TARM1: variants seen among roughly 807,000 people sequenced by gnomAD.
TARM1 encodes T-cell-interacting, activating receptor on myeloid cells protein 1.
In TARM1, 24 loss-of-function variants were observed where a neutral mutation model predicts 30.4. The observed-to-expected ratio is 0.79, with a 90% CI of 0.57 to 1.11. The LOEUF is 1.11. Ranked by LOEUF, TARM1 falls within the 50% of genes least tolerant of loss-of-function variation. TARM1 has a pLI of 0.00. For synonymous variants in TARM1, 129 were observed against 138.9 expected (o/e 0.93, Z 0.50); for missense variants, 323 against 332.8 (o/e 0.97, Z 0.23).
intron 4 of TARM1, 99 bp from the exon 5 acceptor site, chr19:54,070,259 CGGTTTTTT>C: frequency 6.9e-7 from 1 of 1,453,952 alleles, no homozygotes; most frequent in Non-Finnish European, 9.1e-7. Flanking sequence ...TTAATGTTTT[CGGTTTTTT>C]GGTTTTTTTT....
intron 1 of TARM1, 88 bp downstream of exon 1, chr19:54,081,219 T>C (rs1034553239): frequency 9.7e-6 from 13 of 1,334,164 alleles, no homozygotes; most frequent in African/African-American, 8.8e-5. Context: ...TAAGCCAAAG[T>C]TGATGTTATT....
intron 4 of TARM1, among the ~76,000 whole-genome samples, chr19:54,071,829 T>TC (rs2071820355): frequency 2.6e-5 from 4 of 151,574 alleles, no homozygotes; most frequent in Admixed American, 2.6e-4. Flanking sequence ...AGACTCCATC[T>TC]CAAAGAAAAC....
At chr19:54,072,965 G>A (rs188754350) in intron 4 of TARM1, among the ~76,000 whole-genome samples, 12 of 152,054 alleles carry the variant, frequency 7.9e-5, no homozygotes, top group East Asian at 1.9e-4. Flanking sequence ...GCAACAGAGC[G>A]AGACTCTGTC....
chr19:54,074,953 C>G lies in TARM1; in HGVS notation c.232G>C (p.Gly78Arg). The change falls in exon 3 of 5, where the codon GGC (glycine) becomes CGC (arginine). Residue 78 changes from glycine to arginine, a missense_variant. Physicochemically the swap from Gly to Arg is moderately radical, Grantham distance 125. Transcript: ENST00000432826. ...ESPKPLDSTE[G>R]AAEFHLNNLK... Reference sequence around the variant, plus strand: ...TTATTGAGGTGAAATTCGGCCGCGCCCTCTGTAGAATCAAGGGGCTTCGGG... The same window carrying G: ...TTATTGAGGTGAAATTCGGCCGCGCGCTCTGTAGAATCAAGGGGCTTCGGG... 2.6e-6 allele frequency: 4 copies of G among 1,551,510 alleles called. No individual in the cohort carries two copies. The highest frequency in any genetic ancestry group is 3.5e-6 in the Non-Finnish European group (4 of 1,146,962).
At chr19:54,071,462 A>T (rs1454276528) in intron 4 of TARM1, among the ~76,000 whole-genome samples, 1 of 152,144 alleles carries the variant, frequency 6.6e-6, no homozygotes, top group Non-Finnish European at 1.5e-5. Context: ...CAGAGCCCCG[A>T]ATTCCGTGGC....
intron 1 of TARM1, 119 bp from the exon 2 acceptor site, chr19:54,076,037 G>A (rs981106546): frequency 6.3e-6 from 9 of 1,438,052 alleles, no homozygotes; most frequent in Non-Finnish European, 8.4e-6. Flanking sequence ...GAGGTCATAC[G>A]CTCAGGAGTT....
In TARM1 at chr19:54,073,981, G is replaced by C. The variant is rs1472484466; in HGVS notation, c.597C>G (p.Tyr199Ter). The C allele has an allele frequency of 9.0e-6, 14 of 1,551,526 alleles. No individual in the cohort carries two copies. The African/African-American group carries it at 1.2e-4, about 14-fold the overall frequency. Residue 199 changes from tyrosine (Y) to a stop codon, truncating the protein, a stop_gained, in exon 4 of 5, where the codon TAC (tyrosine) becomes TAG (stop). Transcript: ENST00000432826. LOFTEE classifies it high-confidence loss of function. The part of the protein sequence containing the change: ...GDAGNYSCMY[Y>*]QTKSPFWASE... ...AGGCCCAGAAGGGAGACTTTGTCTG[G>C]TAGTACATGCAGCTGTAGTTCCCAG... is the stretch of plus-strand genomic sequence containing the variant.
rs566436093 is a variant in TARM1, at chr19:54,070,858, C to T, written c.659-698G>A. ...AACTCCTGACCTCAGGTGATCCACC[C>T]GCCTTGGCCTCCCAAAGTGTTGGGA... On this transcript the variant is annotated intron_variant, in intron 4 of 4. Transcript: ENST00000432826. Among the ~76,000 whole-genome samples the T allele has an allele frequency of 3.9e-5, 6 of 152,152 alleles. No individual in the cohort carries two copies. In the South Asian group the frequency reaches 1.0e-3, roughly 26 times the overall value.
At chr19:54,072,343 T>C (rs1365763555) in intron 4 of TARM1, among the ~76,000 whole-genome samples, 1 of 152,030 alleles carries the variant, frequency 6.6e-6, no homozygotes, top group African/African-American at 2.4e-5. Flanking sequence ...TTACAACAGA[T>C]GAAAAATAAT....
intron 1 of TARM1, among the ~76,000 whole-genome samples, chr19:54,078,610 G>A (rs910923188): frequency 4.6e-5 from 7 of 151,270 alleles, no homozygotes; most frequent in Admixed American, 1.3e-4. Flanking sequence ...AACTCCTTAC[G>A]TCAGGTCATT....
chr19:54,080,368 G>A (rs2072091101), intron 1 of TARM1, among the ~76,000 whole-genome samples: 1 of 150,098 alleles, frequency 6.7e-6, no homozygotes, highest in South Asian at 2.1e-4. Context: ...TGAGGCAGGA[G>A]AATGGCGTGA....
At chr19:54,072,488 C>T (rs1407572082) in intron 4 of TARM1, among the ~76,000 whole-genome samples, 1 of 152,086 alleles carries the variant, frequency 6.6e-6, no homozygotes, top group Non-Finnish European at 1.5e-5. Flanking sequence ...GCTGTGCAAA[C>T]ACCATGTTCT....
chr19:54,076,108 C>A, intron 1 of TARM1, 190 bp from the exon 2 acceptor site: 1 of 1,470,004 alleles, frequency 6.8e-7, no homozygotes, highest in South Asian at 1.4e-5. Context: ...CATCCTTTCC[C>A]AGAGATTCTC....
chr19:54,073,949 G>A lies in TARM1; in HGVS notation c.629C>T (p.Pro210Leu), dbSNP rs1469573073. Residue 210 changes from proline to leucine, a missense_variant, in exon 4 of 5, where the codon CCC becomes CTC. Transcript: ENST00000432826. Reference sequence around the variant, plus strand: ...CACCAATATCTCAAGCTGATCACTGGGTTCTGAGGCCCAGAAGGGAGACTT... The same window carrying A: ...CACCAATATCTCAAGCTGATCACTGAGTTCTGAGGCCCAGAAGGGAGACTT... ...QTKSPFWASE[P>L]SDQLEILVTV... 1.9e-6 allele frequency: 3 copies of A among 1,551,516 alleles called. No homozygotes were observed. Among genetic ancestry groups the A allele is most frequent in the Non-Finnish European group, 2.6e-6 (3 of 1,146,982 alleles).
intron 2 of TARM1, 64 bp from the exon 3 acceptor site, chr19:54,075,178 T>G: frequency 8.1e-7 from 1 of 1,236,800 alleles, no homozygotes; most frequent in Non-Finnish European, 1.1e-6. Flanking sequence ...AAGCCCTTTT[T>G]AAAATTTATT....
At chr19:54,079,014 TG>T (rs2072028707) in intron 1 of TARM1, among the ~76,000 whole-genome samples, 1 of 150,526 alleles carries the variant, frequency 6.6e-6, no homozygotes, top group Admixed American at 6.7e-5. Flanking sequence ...CCCAGCACTT[TG>T]GGAGGCCGAG....
At position 54,071,343 on chromosome 19, in the gene TARM1, T is replaced by C. The variant is rs571107112; in HGVS notation, c.659-1183A>G. On this transcript the variant is annotated intron_variant, in intron 4 of 4. Coordinates refer to ENST00000432826, the MANE Select transcript of TARM1 (RefSeq NM_001135686.3). ...ACTCCACCTTAGCTCTCTTCCTTCG[T>C]TTATTTGCTCTTTATCCCATTTCCA... Among the ~76,000 whole-genome samples, 119 of 152,292 alleles carry C rather than the reference T, an allele frequency of 7.8e-4. No homozygotes were observed. In the Middle Eastern group the frequency reaches 0.01, roughly 13 times the overall value.
intron 1 of TARM1, chr19:54,076,278 ATTCT>A (rs1413095966): frequency 6.6e-5 from 91 of 1,376,364 alleles, no homozygotes; most frequent in Middle Eastern, 3.6e-4. Flanking sequence ...TCTTTCATTC[ATTCT>A]TTCTTTCATT....
chr19:54,073,919 C>T lies in TARM1; in HGVS notation c.658+1G>A, dbSNP rs934786247. 16 of 1,550,946 alleles carry T rather than the reference C, an allele frequency of 1.0e-5. No individual in the cohort carries two copies. Among genetic ancestry groups the T allele is most frequent in the Non-Finnish European group, 1.2e-5 (14 of 1,146,490 alleles). The stretch of plus-strand genomic sequence containing the variant: ...TTCCTCAAAACCATACACGCCCTTA[C>T]CTGTCACCAATATCTCAAGCTGATC... On this transcript the variant is annotated splice_donor_variant, in intron 4 of 4. Transcript: ENST00000432826. LOFTEE classifies it high-confidence loss of function.
Sources: gnomAD v4.1 joint callset for allele counts (sites outside exome capture counted in the v4.1 genomes callset) on GRCh38, gnomAD v4.1.1 for gene constraint, MANE v1.5 for transcripts, NCBI Gene and HGNC (gene_info 2026-07-23, HGNC 2026-07-21) for gene names.